Variants in RPL13A observed in about 807,000 individuals in gnomAD.
The protein encoded by RPL13A is large ribosomal subunit protein uL13.
In RPL13A, 4 loss-of-function variants were observed where a neutral mutation model predicts 30.8. The observed-to-expected ratio is 0.13, with a 90% CI of 0.06 to 0.30. The LOEUF is 0.30. Ranked by LOEUF, RPL13A falls within the 10% of genes least tolerant of loss-of-function variation. The probability of loss-of-function intolerance (pLI) is 1.00; values close to 1 mark genes in which losing one functional copy is unlikely to be tolerated. For synonymous variants in RPL13A, 108 were observed against 104.2 expected, an observed-to-expected ratio of 1.04 and a Z score of -0.22; for missense variants, 196 against 272.6, an observed-to-expected ratio of 0.72 and a Z score of 1.98.
chr19:49,491,402 A>AACC (rs2079867808), intron 6 of RPL13A, 23 bp from the exon 7 acceptor site: 53 of 237,298 alleles, frequency 2.2e-4, no homozygotes, highest in Middle Eastern at 9.9e-4. Context: ...TCATTTGTTC[A>AACC]CCCCCCCCCC....
chr19:49,491,102 G>A lies in RPL13A; in HGVS notation c.402+3G>A. On this transcript the variant is annotated splice_donor_region_variant and intron_variant, in intron 6 of 7. Transcript: ENST00000391857. The stretch of plus-strand genomic sequence containing the variant: ...TGCGTCTGAAGCCTACAAGAAAGGT[G>A]AGTCCCAGCTTACGCTGCACCATCT... 2 of 1,614,136 alleles carry A rather than the reference G, an allele frequency of 1.2e-6. No individual in the cohort carries two copies. Among genetic ancestry groups the A allele is most frequent in the East Asian group, 2.2e-5 (1 of 44,882 alleles).
At chr19:49,487,758 C>G in intron 1 of RPL13A, 114 bp downstream of exon 1, 2 of 1,128,998 alleles carry the variant, frequency 1.8e-6, no homozygotes, top group Non-Finnish European at 2.4e-6. Flanking sequence ...CATAATGAAG[C>G]AAAATGGAAG....
chr19:49,488,434 G>T (rs573945688), intron 1 of RPL13A, among the ~76,000 whole-genome samples: 2 of 152,326 alleles, frequency 1.3e-5, no homozygotes, highest in Admixed American at 6.5e-5. Flanking sequence ...GAGCCAGGCC[G>T]ATCTAGGCAA....
intron 1 of RPL13A, among the ~76,000 whole-genome samples, chr19:49,488,112 A>G (rs1372029416): frequency 6.6e-6 from 1 of 152,134 alleles, no homozygotes; most frequent in Non-Finnish European, 1.5e-5. Flanking sequence ...GGAGGTGTTA[A>G]TCGGGGTCCC....
At chr19:49,489,722 TC>T in intron 1 of RPL13A, 127 bp from the exon 2 acceptor site, 3 of 782,018 alleles carry the variant, frequency 3.8e-6, no homozygotes, top group South Asian at 1.5e-5. Flanking sequence ...CGTGCATAGT[TC>T]CCAGCTCTGA....
At chr19:49,489,961 G>T (rs374226953) in intron 2 of RPL13A, 39 bp downstream of exon 2, 1 of 1,490,026 alleles carries the variant, frequency 6.7e-7, no homozygotes, top group Admixed American at 1.7e-5. Flanking sequence ...ATGGGCCCCC[G>T]CTGGAGGTCA....
chr19:49,491,400 TCACCCCCCCC>T lies in RPL13A; in HGVS notation c.403-23_403-14del, dbSNP rs999942689. The T allele has an allele frequency of 2.0e-6, 2 of 977,642 alleles. No individual in the cohort carries two copies. The highest frequency in any genetic ancestry group is 5.2e-5 in the African/African-American group (2 of 38,352). The allele number at this position is 977,642 out of a possible 1,614,324, so 60.6% of individuals were successfully genotyped here. ...TAGATATCCTTACAACTTCATTTGTTCACCCCCCCCCCCCCCCCCCGCAGTTTGCCTATCT... is the reference window on the plus strand; with the variant it reads ...TAGATATCCTTACAACTTCATTTGTTCCCCCCCCCCGCAGTTTGCCTATCT... On this transcript the variant is annotated splice_polypyrimidine_tract_variant and intron_variant, in intron 6 of 7. Coordinates refer to ENST00000391857, the MANE Select transcript of RPL13A (RefSeq NM_012423.4).
chr19:49,490,551 C>T lies in RPL13A; in HGVS notation c.231C>T (p.Ser77=). The change falls in exon 4 of 8, where the codon AGC becomes AGT. Residue 77 remains serine (S), a synonymous_variant. Coordinates refer to ENST00000391857, the MANE Select transcript of RPL13A (RefSeq NM_012423.4). ...SRGPYHFRAP[S]RIFWRTVRGM... ...GCCCCTACCACTTCCGGGCCCCCAG[C>T]CGCATCTTCTGGCGGACCGTGCGAG... 1 of 1,614,220 alleles carries T rather than the reference C, an allele frequency of 6.2e-7. No individual in the cohort carries two copies. Among genetic ancestry groups the T allele is most frequent in the Non-Finnish European group, 8.5e-7 (1 of 1,180,052 alleles).
chr19:49,491,332 C>T (rs2079866196), intron 6 of RPL13A, 93 bp from the exon 7 acceptor site: 3 of 1,306,644 alleles, frequency 2.3e-6, no homozygotes, highest in Non-Finnish European at 3.3e-6. Context: ...TGTCAGTCAC[C>T]TCCCAGCTCT....
intron 2 of RPL13A, 132 bp from the exon 3 acceptor site, chr19:49,490,100 T>C (rs749535767): frequency 1.9e-6 from 2 of 1,055,886 alleles, no homozygotes; most frequent in Non-Finnish European, 3.0e-6. Flanking sequence ...AGTAATTATG[T>C]ATTAGGCTAG....
chr19:49,489,056 G>T (rs374280256), intron 1 of RPL13A, among the ~76,000 whole-genome samples: 6 of 152,196 alleles, frequency 3.9e-5, no homozygotes, highest in Non-Finnish European at 8.8e-5. Context: ...GCAGTTTACC[G>T]GGGAAAGCAG....
In RPL13A at chr19:49,488,402, TG is replaced by T. The variant is rs1456553421; in HGVS notation, c.15+759del. On this transcript the variant is annotated intron_variant, in intron 1 of 7. Transcript: ENST00000391857. The stretch of plus-strand genomic sequence containing the variant: ...AAAGGTTTCTTTGTGAGTAGTCTGT[TG>T]TTGGGGCGGGTGACATTTCAGAGCC... Among the ~76,000 whole-genome samples, 12 of 152,324 alleles carry T rather than the reference TG, an allele frequency of 7.9e-5. No individual in the cohort carries two copies. The East Asian group carries it at 2.1e-3, about 27-fold the overall frequency.
chr19:49,491,413 C>CA lies in RPL13A; in HGVS notation c.403-12_403-11insA, dbSNP rs1568688785. ...AACTTCATTTGTTCACCCCCCCCCC[C>CA]CCCCCCCGCAGTTTGCCTATCTGGG... is the stretch of plus-strand genomic sequence containing the variant. On this transcript the variant is annotated splice_polypyrimidine_tract_variant and intron_variant, in intron 6 of 7. Coordinates refer to ENST00000391857, the MANE Select transcript of RPL13A (RefSeq NM_012423.4). The CA allele has an allele frequency of 2.3e-6, 2 of 874,776 alleles. No individual in the cohort carries two copies. Among genetic ancestry groups the CA allele is most frequent in the Non-Finnish European group, 1.6e-6 (1 of 607,838 alleles). 54.2% of individuals were successfully genotyped at this position (874,776 alleles called of 1,614,324 possible). A position where few individuals can be genotyped will look rare whatever the true frequency, so the allele number is the denominator to read the frequency against.
At chr19:49,489,296 G>A (rs143364801) in intron 1 of RPL13A, among the ~76,000 whole-genome samples, 5 of 152,100 alleles carry the variant, frequency 3.3e-5, no homozygotes, top group African/African-American at 1.2e-4. Flanking sequence ...AGGAGTACAA[G>A]AGCAGCCTAG....
At position 49,491,948 on chromosome 19, in the gene RPL13A, A is replaced by C. The variant is rs2079875783; in HGVS notation, c.*133A>C. 1 of 691,154 alleles carries C rather than the reference A, an allele frequency of 1.4e-6. No homozygotes were observed. Among genetic ancestry groups the C allele is most frequent in the Non-Finnish European group, 2.5e-6 (1 of 403,298 alleles). 42.8% of individuals were successfully genotyped at this position (691,154 alleles called of 1,614,324 possible). A position where few individuals can be genotyped will look rare whatever the true frequency, so the allele number is the denominator to read the frequency against. On this transcript the variant is annotated 3_prime_UTR_variant, in exon 8 of 8. Coordinates refer to ENST00000391857, the MANE Select transcript of RPL13A (RefSeq NM_012423.4). Reference sequence around the variant, plus strand: ...CCTGGGACATAGGAAGCTGGGAGCAAGGAAAGGGTCTTAGTCACTGCCTCC... The same window carrying C: ...CCTGGGACATAGGAAGCTGGGAGCACGGAAAGGGTCTTAGTCACTGCCTCC...
intron 1 of RPL13A, among the ~76,000 whole-genome samples, chr19:49,488,379 A>G (rs767297767): frequency 5.9e-5 from 9 of 152,148 alleles, no homozygotes; most frequent in Admixed American, 1.3e-4. Context: ...GGCCCTGGAA[A>G]GGTTTCTTTG....
At chr19:49,491,144 GCCTGCTGAGGGA>G in intron 6 of RPL13A, 45 bp downstream of exon 6, 1 of 1,603,678 alleles carries the variant, frequency 6.2e-7, no homozygotes, top group Non-Finnish European at 8.5e-7. Flanking sequence ...GAGATTTCAG[GCCTGCTGAGGGA>G]CCTGGGGACC....
rs1317243889 is a variant in RPL13A at position 49,487,784 on chromosome 19, G to A, written c.15+140G>A. The A allele has an allele frequency of 1.1e-5, 10 of 898,632 alleles. No individual in the cohort carries two copies. The African/African-American group carries it at 1.8e-4, about 16-fold the overall frequency. 55.7% of individuals were successfully genotyped at this position (898,632 alleles called of 1,614,324 possible). On this transcript the variant is annotated intron_variant, in intron 1 of 7. Coordinates refer to ENST00000391857, the MANE Select transcript of RPL13A (RefSeq NM_012423.4). ...AAAATGGAAGTCTTTTGGGATAAGG[G>A]GAATCTGTAGGAAATGCCGCGGCTC...
chr19:49,488,110 T>C (rs1221099002), intron 1 of RPL13A, among the ~76,000 whole-genome samples: 1 of 152,220 alleles, frequency 6.6e-6, no homozygotes, highest in African/African-American at 2.4e-5. Context: ...GTGGAGGTGT[T>C]AATCGGGGTC....
Sources: allele counts gnomAD v4.1 joint callset (sites outside exome capture counted in the v4.1 genomes callset), GRCh38; gene constraint gnomAD v4.1.1; transcripts MANE v1.5; gene names NCBI Gene and HGNC (gene_info 2026-07-23, HGNC 2026-07-21).